Variants in RNFT2 observed in about 807,000 individuals in gnomAD.
RNFT2 encodes the protein ring finger protein, transmembrane 2, also known as E3 ubiquitin-protein ligase RNFT2.
Under a neutral mutation model 53.0 loss-of-function variants are expected in RNFT2, and 36 were observed. The ratio of observed to expected loss-of-function variants is 0.68; its 90% confidence interval spans 0.52 to 0.90. The LOEUF (loss-of-function observed/expected upper bound fraction) is 0.90. Ranked by LOEUF, RNFT2 falls within the 40% of genes least tolerant of loss-of-function variation. The probability of loss-of-function intolerance (pLI) is 0.00; values close to 1 mark genes in which losing one functional copy is unlikely to be tolerated. For synonymous variants in RNFT2, 260 were observed against 253.2 expected, an observed-to-expected ratio of 1.03 and a Z score of -0.26; for missense variants, 514 against 585.6, an observed-to-expected ratio of 0.88 and a Z score of 1.26.
At chr12:116,801,874 T>G (rs994806433) in intron 7 of RNFT2, among the ~76,000 whole-genome samples, 9 of 152,044 alleles carry the variant, frequency 5.9e-5, no homozygotes, top group Non-Finnish European at 1.2e-4. Context: ...CAGGCTGGAG[T>G]GCAGTGGTGC....
chr12:116,819,614 T>G (rs1435322877), intron 7 of RNFT2, among the ~76,000 whole-genome samples: 1 of 152,078 alleles, frequency 6.6e-6, no homozygotes, highest in Non-Finnish European at 1.5e-5. Context: ...TGCCGCCGGG[T>G]GGTGACGTCA....
chr12:116,832,381 C>T (rs1383803475), intron 7 of RNFT2, among the ~76,000 whole-genome samples: 2 of 151,924 alleles, frequency 1.3e-5, no homozygotes, highest in Non-Finnish European at 2.9e-5. Flanking sequence ...CCCATGTCAT[C>T]GCGAATCTCA....
Position 116,740,393 on chromosome 12 carries a change from GA to G in RNFT2, c.-103del. On this transcript the variant is annotated 5_prime_UTR_variant, in exon 2 of 11. Transcript: ENST00000257575. ...CCTGACTGTGCATCCCTCTGGAGAC[GA>G]AGAGGAGGGGGAGGCCTGTCCTCTC... 1 of 1,145,416 alleles carries G rather than the reference GA, an allele frequency of 8.7e-7. No homozygotes were observed. The highest frequency in any genetic ancestry group is 1.5e-5 in the African/African-American group (1 of 65,196). 71.0% of individuals were successfully genotyped at this position (1,145,416 alleles called of 1,614,324 possible).
chr12:116,762,083 GA>G (rs1872713961), intron 5 of RNFT2, among the ~76,000 whole-genome samples: 1 of 140,262 alleles, frequency 7.1e-6, no homozygotes, highest in African/African-American at 2.6e-5. Context: ...AAAAAAAACA[GA>G]AAAAAAGAAA....
chr12:116,781,755 G>C (rs1427151660), intron 7 of RNFT2, among the ~76,000 whole-genome samples: 1 of 151,990 alleles, frequency 6.6e-6, no homozygotes, highest in African/African-American at 2.4e-5. Context: ...TGCCACAGAA[G>C]GTAACATTCA....
chr12:116,746,560 C>A (rs894680752), intron 3 of RNFT2, among the ~76,000 whole-genome samples: 1 of 152,076 alleles, frequency 6.6e-6, no homozygotes, highest in Non-Finnish European at 1.5e-5. Context: ...GACAGATGAG[C>A]GTGCATTACC....
At chr12:116,796,929 G>A (rs1224940679) in intron 7 of RNFT2, among the ~76,000 whole-genome samples, 1 of 152,190 alleles carries the variant, frequency 6.6e-6, no homozygotes, top group African/African-American at 2.4e-5. Context: ...CCCAACTAGG[G>A]GGCTGTGGTA....
intron 7 of RNFT2, among the ~76,000 whole-genome samples, chr12:116,817,211 C>T (rs1875731948): frequency 6.6e-6 from 1 of 152,126 alleles, no homozygotes; most frequent in Non-Finnish European, 1.5e-5. Context: ...TGGGGTTTCA[C>T]GATGTTGGCC....
At position 116,779,314 on chromosome 12, in the gene RNFT2, C is replaced by T. The variant is rs1435090950; in HGVS notation, c.848C>T (p.Ala283Val). Residue 283 changes from alanine (A) to valine (V), a missense_variant, in exon 7 of 11, where the codon GCC (alanine) becomes GTC (valine). Physicochemically the swap from Ala to Val is moderately conservative, Grantham distance 64 (BLOSUM62 0). Transcript: ENST00000257575. ...ATCGCCCTCAAGTGCCTCATCGTGG[C>T]CCTGCCCAAGATCATCCTGGCTGTC... ...ITIALKCLIVALPKIILAVKS... is the reference protein window; with the variant it reads ...ITIALKCLIVVLPKIILAVKS... The T allele has an allele frequency of 3.7e-6, 6 of 1,614,002 alleles. No homozygotes were observed. The highest frequency in any genetic ancestry group is 2.2e-5 in the South Asian group (2 of 91,084).
At chr12:116,806,537 G>A (rs1025990726) in intron 7 of RNFT2, among the ~76,000 whole-genome samples, 4 of 151,884 alleles carry the variant, frequency 2.6e-5, no homozygotes, top group African/African-American at 9.7e-5. Context: ...CTGAGGCCAG[G>A]AGTTCGAGAC....
chr12:116,760,090 T>C (rs1484491395), intron 5 of RNFT2, among the ~76,000 whole-genome samples: 1 of 152,092 alleles, frequency 6.6e-6, no homozygotes, highest in Non-Finnish European at 1.5e-5. Context: ...AGGATTATGG[T>C]TGCTTCTGCT....
rs536534263 is a variant in RNFT2 at position 116,828,247 on chromosome 12, T to G, written c.883-5545T>G. On this transcript the variant is annotated intron_variant, in intron 7 of 10. Transcript: ENST00000257575. ...TCCATTAAAGTAGTGCTTCTCAAAC[T>G]TGGATGTGCACTCGGGTCACCTGGG... 9.2e-5 allele frequency among the ~76,000 whole-genome samples: 14 copies of G among 152,302 alleles called. No individual in the cohort carries two copies. The South Asian group carries it at 2.9e-3, about 32-fold the overall frequency.
intron 5 of RNFT2, among the ~76,000 whole-genome samples, chr12:116,757,820 G>C (rs981150778): frequency 1.3e-5 from 2 of 152,172 alleles, no homozygotes; most frequent in Non-Finnish European, 1.5e-5. Flanking sequence ...GAAATGTTCT[G>C]TATGTATCTG....
intron 5 of RNFT2, among the ~76,000 whole-genome samples, chr12:116,756,448 T>G (rs1208932570): frequency 6.6e-6 from 1 of 152,134 alleles, no homozygotes; most frequent in Non-Finnish European, 1.5e-5. Flanking sequence ...AAAGTTTGTT[T>G]TATATTGGCT....
At position 116,827,653 on chromosome 12, in the gene RNFT2, T is replaced by C. The variant is rs1407766000; in HGVS notation, c.883-6139T>C. The stretch of plus-strand genomic sequence containing the variant: ...CATTCACTTACCTATTGTCCACAGC[T>C]ATTTTCCTACTGTAGTGACAGAGGT... On this transcript the variant is annotated intron_variant, in intron 7 of 10. Transcript: ENST00000257575. Among the ~76,000 whole-genome samples the C allele has an allele frequency of 3.9e-5, 6 of 152,376 alleles. No homozygotes were observed. In the East Asian group the frequency reaches 9.6e-4, roughly 24 times the overall value.
At chr12:116,809,373 A>T (rs932143344) in intron 7 of RNFT2, among the ~76,000 whole-genome samples, 1 of 151,398 alleles carries the variant, frequency 6.6e-6, no homozygotes, top group Admixed American at 6.6e-5. Context: ...GGTTTCGGCA[A>T]CTCCTTCATG....
intron 6 of RNFT2, among the ~76,000 whole-genome samples, chr12:116,770,790 C>T (rs1873138601): frequency 6.6e-6 from 1 of 152,106 alleles, no homozygotes; most frequent in Non-Finnish European, 1.5e-5. Flanking sequence ...AACTCCTTGC[C>T]TCAAGTGATC....
rs376960900 is a variant in RNFT2 at position 116,753,981 on chromosome 12, C to T, written c.551-3C>T. 10 of 1,613,734 alleles carry T rather than the reference C, an allele frequency of 6.2e-6. No individual in the cohort carries two copies. Among genetic ancestry groups the T allele is most frequent in the Non-Finnish European group, 8.5e-7 (1 of 1,179,684 alleles). Reference sequence around the variant, plus strand: ...TGACATCAGGCCCTTCTCTGTCCCACAGGCATTGCTGTGTGCATCGGGATG... The same window carrying T: ...TGACATCAGGCCCTTCTCTGTCCCATAGGCATTGCTGTGTGCATCGGGATG... On this transcript the variant is annotated splice_polypyrimidine_tract_variant and splice_region_variant and intron_variant, in intron 4 of 10. Transcript: ENST00000257575.
intron 7 of RNFT2, among the ~76,000 whole-genome samples, chr12:116,789,598 T>G (rs1874122631): frequency 7.7e-6 from 1 of 130,002 alleles, no homozygotes; most frequent in Admixed American, 8.1e-5. Context: ...AGGAGAGTGG[T>G]GGGTGGATGG....
Sources: allele counts gnomAD v4.1 joint callset (sites outside exome capture counted in the v4.1 genomes callset), GRCh38; gene constraint gnomAD v4.1.1; transcripts MANE v1.5; gene names NCBI Gene and HGNC (gene_info 2026-07-23, HGNC 2026-07-21).